The following ATP8B4 variants were observed in gnomAD, a reference collection of about 807,000 sequenced individuals.
ATP8B4 encodes the protein probable phospholipid-transporting ATPase IM.
A neutral mutation model predicts 145.6 loss-of-function variants in ATP8B4; 133 were observed. That is an observed-to-expected ratio of 0.91 (90% CI 0.79 to 1.05). The LOEUF is 1.05. Ranked by LOEUF, ATP8B4 falls within the 50% of genes least tolerant of loss-of-function variation. ATP8B4 has a pLI of 0.00. For missense variants in ATP8B4, 1,458 were observed against 1,425.2 expected (o/e 1.02, Z -0.37); for synonymous variants, 507 against 492.9 (o/e 1.03, Z -0.38).
chr15:49,871,334 C>T (rs1163902131), intron 25 of ATP8B4, among the ~76,000 whole-genome samples: 1 of 152,142 alleles, frequency 6.6e-6, no homozygotes, highest in Non-Finnish European at 1.5e-5. Flanking sequence ...GTGTTTTAAC[C>T]AGTCTCACTG....
Position 49,918,877 on chromosome 15 carries a change from G to A in ATP8B4, c.1997C>T (p.Ala666Val), listed in dbSNP as rs1272513285. 1 of 1,613,148 alleles carries A rather than the reference G, an allele frequency of 6.2e-7. No individual in the cohort carries two copies. Among genetic ancestry groups the A allele is most frequent in the Admixed American group, 1.7e-5 (1 of 60,006 alleles). Residue 666 changes from alanine to valine, a missense_variant, in exon 19 of 28, where the codon GCC becomes GTC. Ala to Val is a moderately conservative substitution (Grantham distance 64, BLOSUM62 0). Transcript: ENST00000284509. Reference protein sequence around the residue: ...VIETVTSLSLANIKIWVLTGD... With the variant: ...VIETVTSLSLVNIKIWVLTGD... ...TGTTAGGACCCAGATCTTAATATTG[G>A]CTAGTGATAAACTTGTAACTGTTTC... is the stretch of plus-strand genomic sequence containing the variant.
At chr15:50,057,619 G>T (rs1318264217) in intron 3 of ATP8B4, among the ~76,000 whole-genome samples, 1 of 152,110 alleles carries the variant, frequency 6.6e-6, no homozygotes, top group Non-Finnish European at 1.5e-5. Flanking sequence ...CTTGTCTAGG[G>T]AGCTCATTTT....
chr15:50,085,933 A>ATT (rs2054933228), intron 2 of ATP8B4, among the ~76,000 whole-genome samples: 3 of 39,924 alleles, frequency 7.5e-5, no homozygotes, highest in Non-Finnish European at 1.6e-4. Context: ...TATATCATAT[A>ATT]TATTTATATA....
intron 3 of ATP8B4, among the ~76,000 whole-genome samples, chr15:50,069,115 G>A (rs750274839): frequency 6.6e-6 from 1 of 151,750 alleles, no homozygotes; most frequent in Non-Finnish European, 1.5e-5. Flanking sequence ...CCCTTCTAAT[G>A]AGAATAATTC....
intron 14 of ATP8B4, among the ~76,000 whole-genome samples, chr15:49,944,600 C>G (rs551339891): frequency 3.4e-4 from 52 of 152,198 alleles, no homozygotes; most frequent in African/African-American, 1.2e-3. Flanking sequence ...GAGACTTAGA[C>G]AGCATTACAA....
intron 27 of ATP8B4, among the ~76,000 whole-genome samples, chr15:49,861,400 A>G (rs946685002): frequency 2.3e-5 from 3 of 128,776 alleles, no homozygotes; most frequent in Non-Finnish European, 5.1e-5. Flanking sequence ...GATTAAAAAA[A>G]AATGTGTGTG....
Position 50,073,007 on chromosome 15 carries a change from TATATATATATATACACACACACACACAC to T in ATP8B4, c.87+1092_87+1119del, listed in dbSNP as rs1281930504. On this transcript the variant is annotated intron_variant, in intron 3 of 27. Coordinates refer to ENST00000284509, the MANE Select transcript of ATP8B4 (RefSeq NM_024837.4). Reference sequence around the variant, plus strand: ...ATATATATATATATATATATATATATATATATATATATACACACACACACACACACACACACACACACACACTATACAT... The same window carrying T: ...ATATATATATATATATATATATATATACACACACACACACACACTATACAT... 1.4e-3 allele frequency among the ~76,000 whole-genome samples: 75 copies of T among 55,452 alleles called. 1 individual carries two copies. The South Asian group carries it at 0.019, about 14-fold the overall frequency. The allele number at this position is 55,452 out of a possible 152,430, so 36.4% of individuals were successfully genotyped here.
At chr15:50,169,413 A>G (rs1174564935) in intron 1 of ATP8B4, among the ~76,000 whole-genome samples, 1 of 152,250 alleles carries the variant, frequency 6.6e-6, no homozygotes, top group Non-Finnish European at 1.5e-5. Flanking sequence ...CTGGGTGGTG[A>G]GACCCAGAAG....
At chr15:50,173,010 GGGGGGCAGCCCCCATCCGGGAGGT>G (rs1164456602) in intron 1 of ATP8B4, among the ~76,000 whole-genome samples, 9 of 148,960 alleles carry the variant, frequency 6.0e-5, no homozygotes, top group Admixed American at 1.3e-4. Flanking sequence ...TCCGGGAGGT[GGGGGGCAGCCCCCATCCGGGAGGT>G]GGGGGCAGCC....
chr15:50,109,810 G>C (rs1295546709), intron 1 of ATP8B4, among the ~76,000 whole-genome samples: 1 of 152,040 alleles, frequency 6.6e-6, no homozygotes, highest in Admixed American at 6.6e-5. Context: ...TAACAAACAT[G>C]AACTTAATAC....
upstream of ATP8B4, among the ~76,000 whole-genome samples, chr15:50,122,752 A>C (rs1410431031): frequency 6.6e-6 from 1 of 152,200 alleles, no homozygotes; most frequent in African/African-American, 2.4e-5. Flanking sequence ...CAAGCAGACT[A>C]GAAGCCCACT....
intron 9 of ATP8B4, among the ~76,000 whole-genome samples, chr15:49,991,652 T>C (rs2047055615): frequency 6.6e-6 from 1 of 152,184 alleles, no homozygotes; most frequent in Non-Finnish European, 1.5e-5. Flanking sequence ...TTCTGATGTT[T>C]GAAATGTATA....
intron 13 of ATP8B4, among the ~76,000 whole-genome samples, chr15:49,962,990 G>A (rs577174273): frequency 1.3e-5 from 2 of 152,152 alleles, no homozygotes; most frequent in African/African-American, 4.8e-5. Flanking sequence ...CCTACAGAAT[G>A]AGAGAAAATT....
rs1215118117 is a variant in ATP8B4, at chr15:50,044,666, G to C, written c.228C>G (p.Thr76=). Residue 76 remains threonine, a synonymous_variant, in exon 5 of 28, where the codon ACC becomes ACG. Coordinates refer to ENST00000284509, the MANE Select transcript of ATP8B4 (RefSeq NM_024837.4). The part of the protein sequence containing the change: ...LQLIPEISSL[T]WFTTIVPLVL... The stretch of plus-strand genomic sequence containing the variant: ...CCAAAGGCACAATGGTGGTAAACCA[G>C]GTCAAGGAGGAAATTTCTGGAATTA... 1 of 1,612,690 alleles carries C rather than the reference G, an allele frequency of 6.2e-7. No individual in the cohort carries two copies. Among genetic ancestry groups the C allele is most frequent in the Admixed American group, 1.7e-5 (1 of 59,870 alleles).
At chr15:50,130,971 C>T (rs2057342105) in intron 1 of ATP8B4, among the ~76,000 whole-genome samples, 1 of 152,016 alleles carries the variant, frequency 6.6e-6, no homozygotes, top group Non-Finnish European at 1.5e-5. Flanking sequence ...GGGGAGTTCT[C>T]AGGAAACTTA....
At chr15:50,141,982 G>A (rs2044219041) in intron 1 of ATP8B4, among the ~76,000 whole-genome samples, 1 of 152,194 alleles carries the variant, frequency 6.6e-6, no homozygotes, top group Non-Finnish European at 1.5e-5. Context: ...CATATGGCAT[G>A]TCTGAGGGGC....
intron 23 of ATP8B4, among the ~76,000 whole-genome samples, chr15:49,891,843 C>CT (rs1250740416): frequency 6.6e-6 from 1 of 152,114 alleles, no homozygotes; most frequent in Non-Finnish European, 1.5e-5. Flanking sequence ...GGGCCGGGCA[C>CT]AGTGGCTCAT....
At chr15:50,064,519 A>G (rs553253649) in intron 3 of ATP8B4, among the ~76,000 whole-genome samples, 1 of 152,302 alleles carries the variant, frequency 6.6e-6, no homozygotes, top group African/African-American at 2.4e-5. Context: ...CTCCGTGCAC[A>G]CAGTCATGCA....
chr15:50,039,981 C>T (rs1012354712), intron 5 of ATP8B4, among the ~76,000 whole-genome samples: 3 of 152,180 alleles, frequency 2.0e-5, no homozygotes, highest in Non-Finnish European at 4.4e-5. Flanking sequence ...TCACACGTCA[C>T]CCATTGACAT....
Sources: gnomAD v4.1 joint callset for allele counts (sites outside exome capture counted in the v4.1 genomes callset) on GRCh38, gnomAD v4.1.1 for gene constraint, MANE v1.5 for transcripts, NCBI Gene and HGNC (gene_info 2026-07-23, HGNC 2026-07-21) for gene names.